RAP1A: variants seen among roughly 807,000 people sequenced by gnomAD.
RAP1A encodes the protein ras-related protein Rap-1A.
Under a neutral mutation model 26.4 loss-of-function variants are expected in RAP1A, and 6 were observed. The observed-to-expected ratio is 0.23, with a 90% CI of 0.12 to 0.45. The LOEUF (loss-of-function observed/expected upper bound fraction) is 0.45. Among genes scored for constraint, RAP1A ranks in the 20% least tolerant of loss-of-function variants. The pLI is 0.99. For missense variants in RAP1A, 121 were observed against 217.2 expected (o/e 0.56, Z 2.78); for synonymous variants, 73 against 79.4 (o/e 0.92, Z 0.43).
At position 111,613,939 on chromosome 1, in the gene RAP1A, C is replaced by T. The variant is rs150813815; in HGVS notation, c.-28+71430C>T. 1.9e-3 allele frequency among the ~76,000 whole-genome samples: 286 copies of T among 152,282 alleles called. 1 individual carries two copies. The highest frequency in any genetic ancestry group is 6.6e-3 in the African/African-American group (276 of 41,552). On this transcript the variant is annotated intron_variant, in intron 1 of 7. Transcript: ENST00000356415. The stretch of plus-strand genomic sequence containing the variant: ...GGCTCGCTTATATTCTCTCTCTCTA[C>T]GAAACACACAGACACATGCTCCTGA...
At chr1:111,700,085 A>T (rs1453174871) in intron 4 of RAP1A, among the ~76,000 whole-genome samples, 2 of 151,958 alleles carry the variant, frequency 1.3e-5, no homozygotes, top group Admixed American at 1.3e-4. Context: ...CCTACCTCTT[A>T]ATGTTGGAGG....
intron 1 of RAP1A, among the ~76,000 whole-genome samples, chr1:111,588,737 T>C (rs1472896921): frequency 6.6e-6 from 1 of 152,220 alleles, no homozygotes; most frequent in African/African-American, 2.4e-5. Flanking sequence ...CTCTCTTCCA[T>C]TCTAGAAGAG....
intron 1 of RAP1A, among the ~76,000 whole-genome samples, chr1:111,612,111 G>T (rs932649045): frequency 6.6e-6 from 1 of 151,708 alleles, no homozygotes; most frequent in South Asian, 2.1e-4. Context: ...AGGGCGGGTT[G>T]GTCTGATGCC....
Position 111,622,271 on chromosome 1 carries a change from T to C in RAP1A, c.-28+2337T>C, listed in dbSNP as rs1455634149. ...ACCCTCCAGTGTTTTCCCATCTCAT[T>C]CACAGTAGAATCCAAAGTTCTTACC... is the stretch of plus-strand genomic sequence containing the variant. On this transcript the variant is annotated intron_variant, in intron 1 of 7. Coordinates refer to ENST00000369709, the MANE Select transcript of RAP1A (RefSeq NM_002884.4). 3.3e-5 allele frequency among the ~76,000 whole-genome samples: 5 copies of C among 152,206 alleles called. No homozygotes were observed. The East Asian group carries it at 9.6e-4, about 29-fold the overall frequency.
chr1:111,703,118 A>C (rs1345272766), intron 4 of RAP1A, among the ~76,000 whole-genome samples: 2 of 152,184 alleles, frequency 1.3e-5, no homozygotes, highest in Non-Finnish European at 1.5e-5. Flanking sequence ...AAATCACACA[A>C]AAGCAAATTA....
chr1:111,625,281 G>T (rs933981439), intron 1 of RAP1A, among the ~76,000 whole-genome samples: 1 of 152,038 alleles, frequency 6.6e-6, no homozygotes, highest in African/African-American at 2.4e-5. Context: ...TTTTGTTCAT[G>T]ATAGGACTGT....
intron 1 of RAP1A, among the ~76,000 whole-genome samples, chr1:111,647,207 G>C (rs998878318): frequency 1.3e-5 from 2 of 152,118 alleles, no homozygotes; most frequent in African/African-American, 4.8e-5. Context: ...ATTATGAATT[G>C]CATATGTACA....
At chr1:111,688,546 C>CT (rs1661566801) in intron 1 of RAP1A, among the ~76,000 whole-genome samples, 1 of 152,048 alleles carries the variant, frequency 6.6e-6, no homozygotes, top group Non-Finnish European at 1.5e-5. Flanking sequence ...TTGCGAACTC[C>CT]TGAGCTCAGG....
Position 111,661,194 on chromosome 1 carries a change from GTCTTTA to G in RAP1A, c.-27-30133_-27-30128del, listed in dbSNP as rs1259220346. On this transcript the variant is annotated intron_variant, in intron 1 of 7. Coordinates refer to ENST00000369709, the MANE Select transcript of RAP1A (RefSeq NM_002884.4). ...CTTGTAAGCCATGTTAACATCTTTG[GTCTTTA>G]TCTTTAAGGGAAATGGGAAATCACT... Among the ~76,000 whole-genome samples, 4 of 152,324 alleles carry G rather than the reference GTCTTTA, an allele frequency of 2.6e-5. No individual in the cohort carries two copies. The East Asian group carries it at 7.7e-4, about 29-fold the overall frequency.
chr1:111,690,739 G>T (rs373347068), intron 1 of RAP1A, among the ~76,000 whole-genome samples: 3 of 152,058 alleles, frequency 2.0e-5, no homozygotes, highest in African/African-American at 7.2e-5. Flanking sequence ...TAAAGTTTAC[G>T]TTCCTTTTAT....
intron 1 of RAP1A, among the ~76,000 whole-genome samples, chr1:111,667,931 C>T (rs528889245): frequency 7.9e-5 from 12 of 152,250 alleles, no homozygotes; most frequent in East Asian, 7.7e-4. Context: ...TCATTGCCTT[C>T]GCAGACATAG....
chr1:111,607,956 C>T (rs1274632491), intron 1 of RAP1A, among the ~76,000 whole-genome samples: 4 of 131,570 alleles, frequency 3.0e-5, no homozygotes, highest in Non-Finnish European at 6.6e-5. Context: ...CAGAGGCGCC[C>T]CTCACCTCCC....
chr1:111,554,137 G>A (rs1195253214), intron 1 of RAP1A, among the ~76,000 whole-genome samples: 1 of 152,210 alleles, frequency 6.6e-6, no homozygotes, highest in Non-Finnish European at 1.5e-5. Flanking sequence ...CTATGCCTCA[G>A]TTTCTCCATC....
chr1:111,673,089 G>A (rs1482607481), intron 1 of RAP1A, among the ~76,000 whole-genome samples: 2 of 152,002 alleles, frequency 1.3e-5, no homozygotes, highest in South Asian at 2.1e-4. Flanking sequence ...TTGTGTATTG[G>A]TATATTTATG....
At chr1:111,634,718 CA>C (rs1347311582) in intron 1 of RAP1A, among the ~76,000 whole-genome samples, 1 of 150,498 alleles carries the variant, frequency 6.6e-6, no homozygotes, top group African/African-American at 2.4e-5. Flanking sequence ...GATCTCGGCT[CA>C]CTGCAACCTC....
chr1:111,558,493 A>T (rs955093566), intron 1 of RAP1A, among the ~76,000 whole-genome samples: 1 of 152,136 alleles, frequency 6.6e-6, no homozygotes, highest in Non-Finnish European at 1.5e-5. Context: ...GGAGGGAAAT[A>T]ATTTTTAAAA....
At chr1:111,678,066 A>G (rs1180752916) in intron 1 of RAP1A, among the ~76,000 whole-genome samples, 1 of 152,236 alleles carries the variant, frequency 6.6e-6, no homozygotes, top group Non-Finnish European at 1.5e-5. Flanking sequence ...TAGTCTAGAA[A>G]TCAGATAATA....
At chr1:111,652,445 G>A (rs949898361) in intron 1 of RAP1A, among the ~76,000 whole-genome samples, 1 of 151,956 alleles carries the variant, frequency 6.6e-6, no homozygotes, top group Non-Finnish European at 1.5e-5. Context: ...GTTTTGTATG[G>A]CCCTCAAGCT....
upstream of RAP1A, among the ~76,000 whole-genome samples, chr1:111,619,205 C>T (rs1442622853): frequency 6.6e-6 from 1 of 152,232 alleles, no homozygotes. Flanking sequence ...TATTCCTCCT[C>T]CAGGCCCGCG....
Sources: allele counts gnomAD v4.1 joint callset (sites outside exome capture counted in the v4.1 genomes callset), GRCh38; gene constraint gnomAD v4.1.1; transcripts MANE v1.5; gene names NCBI Gene and HGNC (gene_info 2026-07-23, HGNC 2026-07-21).